The following RFTN1 variants were observed in gnomAD, a reference collection of about 807,000 sequenced individuals.
RFTN1 encodes the protein raftlin, lipid raft linker 1.
Under a neutral mutation model 46.5 loss-of-function variants are expected in RFTN1, and 26 were observed. The observed-to-expected ratio is 0.56, with a 90% CI of 0.41 to 0.78. The LOEUF (loss-of-function observed/expected upper bound fraction) is 0.78, where lower values mean the gene tolerates loss of function less well. Ranked by LOEUF, RFTN1 falls within the 30% of genes least tolerant of loss-of-function variation. RFTN1 has a pLI of 0.00. For synonymous variants in RFTN1, 261 were observed against 284.2 expected (o/e 0.92, Z 0.82); for missense variants, 693 against 718.7 (o/e 0.96, Z 0.41).
chr3:16,437,570 G>A lies in RFTN1; in HGVS notation c.146-3533C>T, dbSNP rs2075539877. The stretch of plus-strand genomic sequence containing the variant: ...AGCTACTAGGGAGGCTGAGATGGGA[G>A]GATCACTTGAGCCCAGAGAGGTCAA... On this transcript the variant is annotated intron_variant, in intron 2 of 9. Coordinates refer to ENST00000334133, the MANE Select transcript of RFTN1 (RefSeq NM_015150.2). Among the ~76,000 whole-genome samples the A allele has an allele frequency of 1.3e-5, 2 of 152,026 alleles. 1 individual carries two copies. The highest frequency in any genetic ancestry group is 1.3e-4 in the Admixed American group (2 of 15,254).
intron 2 of RFTN1, among the ~76,000 whole-genome samples, chr3:16,441,784 C>G (rs2075629420): frequency 6.6e-6 from 1 of 152,218 alleles, no homozygotes; most frequent in Non-Finnish European, 1.5e-5. Context: ...GGAAATTTCC[C>G]TCACAGGTGA....
intron 2 of RFTN1, among the ~76,000 whole-genome samples, chr3:16,486,189 C>T (rs1420123016): frequency 1.1e-4 from 16 of 152,162 alleles, no homozygotes; most frequent in South Asian, 2.1e-4. Context: ...CCCACTGCCA[C>T]TGTCTTGACT....
chr3:16,318,440 T>G (rs2125164874), intron 9 of RFTN1, among the ~76,000 whole-genome samples: 1 of 152,332 alleles, frequency 6.6e-6, no homozygotes, highest in Admixed American at 6.5e-5. Context: ...GGAAATGATT[T>G]CTTAAGGCTT....
At chr3:16,495,551 A>G (rs1160841472) in intron 1 of RFTN1, among the ~76,000 whole-genome samples, 2 of 151,636 alleles carry the variant, frequency 1.3e-5, no homozygotes, top group African/African-American at 4.8e-5. Context: ...AATGGCAGGG[A>G]CCTGGATTGG....
At chr3:16,340,454 G>T (rs2071245640) in intron 7 of RFTN1, among the ~76,000 whole-genome samples, 1 of 152,216 alleles carries the variant, frequency 6.6e-6, no homozygotes, top group African/African-American at 2.4e-5. Flanking sequence ...TGACATATGA[G>T]AGAGCCCAGC....
chr3:16,417,806 C>T (rs1248289234), intron 3 of RFTN1, among the ~76,000 whole-genome samples: 1 of 152,210 alleles, frequency 6.6e-6, no homozygotes, highest in African/African-American at 2.4e-5. Flanking sequence ...CCTTCCAGCT[C>T]AAGCAATCCT....
chr3:16,404,184 A>AT (rs370069999), intron 4 of RFTN1, among the ~76,000 whole-genome samples: 1 of 82 alleles, frequency 0.012, no homozygotes, highest in East Asian at 0.25. Context: ...TTTTATATAT[A>AT]ATATATAATA....
chr3:16,359,099 G>A (rs1338652192), intron 6 of RFTN1, among the ~76,000 whole-genome samples: 2 of 151,042 alleles, frequency 1.3e-5, no homozygotes. Context: ...ACTAAGGGAA[G>A]CACCTTTTGC....
In RFTN1 at chr3:16,448,798, C is replaced by T. The variant is rs759632287; in HGVS notation, c.146-14761G>A. On this transcript the variant is annotated intron_variant, in intron 2 of 9. Coordinates refer to ENST00000334133, the MANE Select transcript of RFTN1 (RefSeq NM_015150.2). The surrounding 1 kb of genome is among the most constrained non-coding windows in gnomAD (Gnocchi z 4.1). ...CCTGAGTCACAAGTCTCACCCCATG[C>T]GGGGATTACAGGCTGCGACTCACTG... Among the ~76,000 whole-genome samples the T allele has an allele frequency of 2.6e-5, 4 of 152,138 alleles. No homozygotes were observed. Among genetic ancestry groups the T allele is most frequent in the East Asian group, 3.8e-4 (2 of 5,198 alleles).
chr3:16,417,501 G>A (rs747874087), intron 3 of RFTN1, among the ~76,000 whole-genome samples: 20 of 152,284 alleles, frequency 1.3e-4, no homozygotes, highest in South Asian at 4.2e-4. Flanking sequence ...TGTCAGGGTC[G>A]TTTCAGAACA....
rs189448661 is a variant in RFTN1, at chr3:16,321,254, C to T, written c.1332+2122G>A. Among the ~76,000 whole-genome samples the T allele has an allele frequency of 9.2e-5, 14 of 151,966 alleles. No individual in the cohort carries two copies. In the South Asian group the frequency reaches 2.3e-3, roughly 25 times the overall value. On this transcript the variant is annotated intron_variant, in intron 9 of 9. Coordinates refer to ENST00000334133, the MANE Select transcript of RFTN1 (RefSeq NM_015150.2). The surrounding 1 kb of genome is among the most constrained non-coding windows in gnomAD (Gnocchi z 4.8). ...GTGCAGTGAGGGCTGAAAATGCAGG[C>T]GGAATGGTCATTGGCACAGAGGTGG...
chr3:16,450,903 T>C lies in RFTN1; in HGVS notation c.146-16866A>G, dbSNP rs1306050093. ...GGACCTGAACAGATAGTGGTGACTT[T>C]CACCACTTGGTTTTGGTCCTGTTGA... On this transcript the variant is annotated intron_variant, in intron 2 of 9. Transcript: ENST00000334133. The surrounding 1 kb of genome is among the most constrained non-coding windows in gnomAD (Gnocchi z 4.6). Among the ~76,000 whole-genome samples, 1 of 152,170 alleles carries C rather than the reference T, an allele frequency of 6.6e-6. No homozygotes were observed. The highest frequency in any genetic ancestry group is 2.4e-5 in the African/African-American group (1 of 41,432).
intron 3 of RFTN1, among the ~76,000 whole-genome samples, chr3:16,431,260 G>A (rs1039643287): frequency 6.6e-6 from 1 of 152,216 alleles, no homozygotes; most frequent in Non-Finnish European, 1.5e-5. Context: ...AAAGTGGCAA[G>A]CCCCAATAGT....
Position 16,378,549 on chromosome 3 carries a change from C to T in RFTN1, c.442-447G>A, listed in dbSNP as rs2073871826. ...TATAACTACAGCTTGTCTATATAAC[C>T]ATATACAAACAACAGATGGCATTTT... On this transcript the variant is annotated intron_variant, in intron 4 of 9. Coordinates refer to ENST00000334133, the MANE Select transcript of RFTN1 (RefSeq NM_015150.2). 3.3e-5 allele frequency among the ~76,000 whole-genome samples: 5 copies of T among 152,304 alleles called. No individual in the cohort carries two copies. The South Asian group carries it at 1.0e-3, about 32-fold the overall frequency.
At position 16,370,017 on chromosome 3, in the gene RFTN1, C is replaced by G; in HGVS notation, c.1030+59G>C. On this transcript the variant is annotated intron_variant, in intron 6 of 9. Coordinates refer to ENST00000334133, the MANE Select transcript of RFTN1 (RefSeq NM_015150.2). The surrounding 1 kb of genome is among the most constrained non-coding windows in gnomAD (Gnocchi z 5.5). ...AGACTCTGAAGAGGGACTAAGATTT[C>G]AAGAGTTAGAAGCAGAGTTCACAAA... is the stretch of plus-strand genomic sequence containing the variant. 2.0e-6 allele frequency: 3 copies of G among 1,490,512 alleles called. No homozygotes were observed. Among genetic ancestry groups the G allele is most frequent in the Non-Finnish European group, 2.8e-6 (3 of 1,068,362 alleles). 92.3% of individuals were successfully genotyped at this position (1,490,512 alleles called of 1,614,324 possible). A position where few individuals can be genotyped will look rare whatever the true frequency, so the allele number is the denominator to read the frequency against.
At chr3:16,404,707 C>T (rs910931137) in intron 4 of RFTN1, among the ~76,000 whole-genome samples, 1 of 152,024 alleles carries the variant, frequency 6.6e-6, no homozygotes, top group African/African-American at 2.4e-5. Context: ...TCTCAGCCTC[C>T]TCCAGTCTCA....
rs1014419292 is a variant in RFTN1, at chr3:16,402,329, C to T, written c.441+7046G>A. The stretch of plus-strand genomic sequence containing the variant: ...AAGCAGGGTACCCCATTGCCCCCTG[C>T]AAGGCCTGCGCCAGCCGCCAGCTCA... On this transcript the variant is annotated intron_variant, in intron 4 of 9. Transcript: ENST00000334133. The surrounding 1 kb of genome is among the most constrained non-coding windows in gnomAD (Gnocchi z 4.5). 1.3e-5 allele frequency among the ~76,000 whole-genome samples: 2 copies of T among 152,184 alleles called. No individual in the cohort carries two copies. The highest frequency in any genetic ancestry group is 2.9e-5 in the Non-Finnish European group (2 of 68,040).
intron 3 of RFTN1, among the ~76,000 whole-genome samples, chr3:16,417,571 T>G (rs1050806351): frequency 6.6e-6 from 1 of 152,118 alleles, no homozygotes; most frequent in African/African-American, 2.4e-5. Flanking sequence ...AAACATCAAC[T>G]GTAAAACTGT....
Position 16,353,400 on chromosome 3 carries a change from A to G in RFTN1, c.1146+4532T>C, listed in dbSNP as rs1165213334. On this transcript the variant is annotated intron_variant, in intron 7 of 9. Transcript: ENST00000334133. This position sits in a 1 kb window ranked among gnomAD's most constrained non-coding sequence, Gnocchi z 5.4. ...TCTTCAAAGAGCTGAGGTGCGGGGG[A>G]ACCTGTCCCGGACTGGACATTGCTG... Among the ~76,000 whole-genome samples, 1 of 152,132 alleles carries G rather than the reference A, an allele frequency of 6.6e-6. No individual in the cohort carries two copies. The highest frequency in any genetic ancestry group is 1.9e-4 in the East Asian group (1 of 5,196).
Sources: gnomAD v4.1 joint callset for allele counts (sites outside exome capture counted in the v4.1 genomes callset) on GRCh38, gnomAD v4.1.1 for gene constraint, Gnocchi (gnomAD v3.1) non-coding constraint, MANE v1.5 for transcripts, NCBI Gene and HGNC (gene_info 2026-07-23, HGNC 2026-07-21) for gene names.